ASCC3: variants seen among roughly 807,000 people sequenced by gnomAD.
ASCC3 encodes the protein activating signal cointegrator 1 complex subunit 3, also known as ASC-1 complex subunit P200.
In ASCC3, 158 loss-of-function variants were observed where a neutral mutation model predicts 256.3. The observed-to-expected ratio is 0.62, with a 90% confidence interval of 0.54 to 0.70. ASCC3 has a LOEUF of 0.70. ASCC3 is among the 30% of genes least tolerant of loss of function. The pLI, the probability that ASCC3 is intolerant of heterozygous loss-of-function variation, is 0.00. For synonymous variants in ASCC3, 948 were observed against 883.4 expected, an observed-to-expected ratio of 1.07 and a Z score of -1.30; for missense variants, 2,259 against 2,626.0, an observed-to-expected ratio of 0.86 and a Z score of 3.05.
chr6:100,668,297 G>A (rs991878605), intron 14 of ASCC3, among the ~76,000 whole-genome samples: 1 of 151,984 alleles, frequency 6.6e-6, no homozygotes, highest in Non-Finnish European at 1.5e-5. Context: ...GAAAGAATAT[G>A]AAAGAAATAT....
At chr6:100,639,837 G>A (rs1029730887) in intron 24 of ASCC3, among the ~76,000 whole-genome samples, 6 of 152,118 alleles carry the variant, frequency 3.9e-5, no homozygotes, top group East Asian at 1.9e-4. Context: ...AATTGAGGCC[G>A]GGAGCGGTGG....
At chr6:100,614,272 A>T (rs2114832111) in intron 30 of ASCC3, among the ~76,000 whole-genome samples, 1 of 152,298 alleles carries the variant, frequency 6.6e-6, no homozygotes, top group South Asian at 2.1e-4. Flanking sequence ...ATATTGTTAA[A>T]TGCGTAATTA....
Position 100,725,552 on chromosome 6 carries a change from C to A in ASCC3, c.1889G>T (p.Arg630Leu). The A allele has an allele frequency of 6.2e-7, 1 of 1,612,274 alleles. No homozygotes were observed. The highest frequency in any genetic ancestry group is 8.5e-7 in the Non-Finnish European group (1 of 1,178,784). The change falls in exon 11 of 42, where the codon CGT becomes CTT. Residue 630 changes from arginine to leucine, a missense_variant. By Grantham distance (102) the Arg-to-Leu change is moderately radical (BLOSUM62 -2). This residue lies in a region of ASCC3 where 1,839 missense variants were observed against 2,206.7 expected (regional missense o/e 0.83). Coordinates refer to ENST00000369162, the MANE Select transcript of ASCC3 (RefSeq NM_006828.4). The part of the protein sequence containing the change: ...RGPVLESIVA[R>L]TLRQVESTQS... ...ACTTCCTCTTACCTGCCGTAAAGTA[C>A]GGGCAACTATGCTTTCTAATACTGG...
chr6:100,848,127 A>T (rs1361752652), intron 4 of ASCC3, 21 bp downstream of exon 4: 1 of 1,551,242 alleles, frequency 6.4e-7, no homozygotes, highest in South Asian at 1.3e-5. Context: ...AATATAAAAA[A>T]ATAAATCATT....
chr6:100,678,601 G>A (rs975396325), intron 14 of ASCC3, among the ~76,000 whole-genome samples: 1 of 151,874 alleles, frequency 6.6e-6, no homozygotes, highest in African/African-American at 2.4e-5. Flanking sequence ...CACAATGTCT[G>A]GCAGCTAGCA....
At chr6:100,630,016 A>C (rs929187321) in intron 26 of ASCC3, among the ~76,000 whole-genome samples, 3 of 151,598 alleles carry the variant, frequency 2.0e-5, no homozygotes, top group Admixed American at 1.3e-4. Flanking sequence ...TCCTGTCTCC[A>C]AGTAGCTGGG....
At chr6:100,832,629 C>T (rs1183038237) in intron 4 of ASCC3, among the ~76,000 whole-genome samples, 1 of 151,986 alleles carries the variant, frequency 6.6e-6, no homozygotes, top group Non-Finnish European at 1.5e-5. Context: ...GGAAGGTATT[C>T]AGTGGTTGGA....
At chr6:100,629,669 T>C (rs1299248412) in intron 26 of ASCC3, among the ~76,000 whole-genome samples, 1 of 152,154 alleles carries the variant, frequency 6.6e-6, no homozygotes, top group Admixed American at 6.5e-5. Context: ...TTTCCTTAGA[T>C]TGGAATTTTC....
intron 30 of ASCC3, among the ~76,000 whole-genome samples, chr6:100,613,724 T>TTTA (rs1773524015): frequency 6.6e-6 from 1 of 152,122 alleles, no homozygotes; most frequent in South Asian, 2.1e-4. Flanking sequence ...GAACGGTAAT[T>TTTA]CTATTTTTAG....
intron 1 of ASCC3, among the ~76,000 whole-genome samples, chr6:100,876,542 G>A (rs756435767): frequency 2.0e-5 from 3 of 152,112 alleles, no homozygotes; most frequent in Non-Finnish European, 4.4e-5. Flanking sequence ...AGGCCTAGAT[G>A]AAAGGAAAAG....
intron 36 of ASCC3, among the ~76,000 whole-genome samples, chr6:100,559,363 A>C (rs1351372647): frequency 6.6e-6 from 1 of 152,212 alleles, no homozygotes; most frequent in East Asian, 1.9e-4. Context: ...AAGTAAAGGT[A>C]ATGAACAAAA....
chr6:100,573,747 A>T (rs1435154515), intron 36 of ASCC3, among the ~76,000 whole-genome samples: 1 of 152,182 alleles, frequency 6.6e-6, no homozygotes, highest in Non-Finnish European at 1.5e-5. Flanking sequence ...TCAAAACCAG[A>T]TTAATAATAA....
intron 30 of ASCC3, among the ~76,000 whole-genome samples, chr6:100,624,177 C>T (rs1774115285): frequency 6.6e-6 from 1 of 151,356 alleles, no homozygotes; most frequent in Admixed American, 6.6e-5. Context: ...TTACCTAATA[C>T]AGCAGGTGAA....
At chr6:100,700,995 G>C (rs1365652804) in intron 13 of ASCC3, among the ~76,000 whole-genome samples, 3 of 152,082 alleles carry the variant, frequency 2.0e-5, no homozygotes, top group African/African-American at 7.2e-5. Context: ...CATGAGATTT[G>C]GGAGGGGCCA....
At chr6:100,688,320 T>G (rs985846828) in intron 13 of ASCC3, among the ~76,000 whole-genome samples, 26 of 151,452 alleles carry the variant, frequency 1.7e-4, no homozygotes, top group African/African-American at 6.3e-4. Context: ...AAAATGAAGG[T>G]GAGCAAGAAA....
intron 4 of ASCC3, among the ~76,000 whole-genome samples, chr6:100,825,699 T>C (rs1310003581): frequency 6.6e-6 from 1 of 152,178 alleles, no homozygotes; most frequent in African/African-American, 2.4e-5. Flanking sequence ...AAGAGTGTTA[T>C]CCAACTTGGT....
chr6:100,744,619 A>C (rs1780581317), intron 10 of ASCC3, among the ~76,000 whole-genome samples: 1 of 152,158 alleles, frequency 6.6e-6, no homozygotes, highest in South Asian at 2.1e-4. Flanking sequence ...TGTTTTATTC[A>C]GGAGGCATGT....
chr6:100,713,409 G>A (rs1303469191), intron 13 of ASCC3, among the ~76,000 whole-genome samples: 4 of 152,122 alleles, frequency 2.6e-5, no homozygotes, highest in Admixed American at 6.5e-5. Flanking sequence ...GCAGTTAAGC[G>A]GGAGGACAGA....
At chr6:100,530,753 G>A in intron 37 of ASCC3, 1 of 975,280 alleles carries the variant, frequency 1.0e-6, no homozygotes, top group Non-Finnish European at 1.7e-6. Flanking sequence ...ATTTTTACCA[G>A]TTTACTTTTA....
Sources: allele counts gnomAD v4.1 joint callset (sites outside exome capture counted in the v4.1 genomes callset), GRCh38; gene constraint gnomAD v4.1.1; regional missense constraint gnomAD v4.1.1; transcripts MANE v1.5; gene names NCBI Gene and HGNC (gene_info 2026-07-23, HGNC 2026-07-21).